TUSC3: variants seen among roughly 807,000 people sequenced by gnomAD.
TUSC3 encodes dolichyl-diphosphooligosaccharide--protein glycosyltransferase subunit TUSC3.
TUSC3 carries 45 observed loss-of-function variants against 44.8 expected under a neutral mutation model. The observed-to-expected ratio is 1.00, with a 90% CI of 0.79 to 1.29. The LOEUF (loss-of-function observed/expected upper bound fraction) is 1.29. Among genes scored for constraint, TUSC3 ranks in the 50% most tolerant of loss-of-function variants. The probability of loss-of-function intolerance (pLI) is 0.00; values close to 1 mark genes in which losing one functional copy is unlikely to be tolerated. For synonymous variants in TUSC3, 212 were observed against 152.9 expected (o/e 1.39, Z -2.85); for missense variants, 519 against 437.9 (o/e 1.19, Z -1.65).
intron 1 of TUSC3, among the ~76,000 whole-genome samples, chr8:15,450,252 GT>G (rs1800176392): frequency 1.3e-5 from 2 of 152,018 alleles, no homozygotes; most frequent in African/African-American, 4.8e-5. Context: ...GAAGAATCAG[GT>G]TTTACTTGTA....
At chr8:15,829,954 T>A in the TUSC3 span, among the ~76,000 whole-genome samples, 1 of 152,110 alleles carries the variant, frequency 6.6e-6, no homozygotes, top group African/African-American at 2.4e-5. Flanking sequence ...TCAACCAATA[T>A]CTATTTTTTT....
At chr8:15,485,535 C>G (rs1048456542) in intron 2 of TUSC3, among the ~76,000 whole-genome samples, 1 of 144,644 alleles carries the variant, frequency 6.9e-6, no homozygotes, top group Non-Finnish European at 1.5e-5. Context: ...CTTGCATTCT[C>G]TGCTCCTCCT....
the TUSC3 span, among the ~76,000 whole-genome samples, chr8:15,792,341 G>C: frequency 6.6e-6 from 1 of 152,150 alleles, no homozygotes; most frequent in Non-Finnish European, 1.5e-5. Flanking sequence ...GTAAGGCAAA[G>C]AATTAAATCA....
At chr8:15,794,302 T>A in the TUSC3 span, among the ~76,000 whole-genome samples, 1 of 152,078 alleles carries the variant, frequency 6.6e-6, no homozygotes, top group Non-Finnish European at 1.5e-5. Flanking sequence ...ACAGCCACTC[T>A]TATTTTCTCT....
chr8:15,465,052 G>A (rs1288775367), intron 1 of TUSC3, among the ~76,000 whole-genome samples: 1 of 152,118 alleles, frequency 6.6e-6, no homozygotes, highest in African/African-American at 2.4e-5. Flanking sequence ...GTTTCACTAT[G>A]TTGGCCAGGA....
At chr8:15,822,608 G>A in the TUSC3 span, among the ~76,000 whole-genome samples, 4 of 152,256 alleles carry the variant, frequency 2.6e-5, no homozygotes, top group African/African-American at 9.6e-5. Flanking sequence ...AGATATAGAA[G>A]AGAAGGCTTC....
At chr8:15,476,784 T>C (rs1377305720) in intron 1 of TUSC3, among the ~76,000 whole-genome samples, 3 of 152,216 alleles carry the variant, frequency 2.0e-5, no homozygotes, top group African/African-American at 7.2e-5. Context: ...AGGTTTCCTA[T>C]TGGCCACTTG....
intron 2 of TUSC3, among the ~76,000 whole-genome samples, chr8:15,508,244 C>G (rs1457040879): frequency 6.6e-6 from 1 of 151,866 alleles, no homozygotes; most frequent in Admixed American, 6.6e-5. Flanking sequence ...TGTCTAACAA[C>G]AATGACAACA....
At chr8:15,715,649 G>C (rs1436930528) in intron 6 of TUSC3, among the ~76,000 whole-genome samples, 1 of 151,528 alleles carries the variant, frequency 6.6e-6, no homozygotes, top group Non-Finnish European at 1.5e-5. Context: ...ACCACAGAAA[G>C]TAAAACCAAA....
chr8:15,842,330 A>G, the TUSC3 span, among the ~76,000 whole-genome samples: 1 of 152,294 alleles, frequency 6.6e-6, no homozygotes, highest in East Asian at 1.9e-4. Flanking sequence ...CATCATCTAT[A>G]AATCAGTCTT....
At chr8:15,501,180 G>A (rs967009079) in intron 2 of TUSC3, among the ~76,000 whole-genome samples, 1 of 152,070 alleles carries the variant, frequency 6.6e-6, no homozygotes, top group East Asian at 1.9e-4. Context: ...AGACTGCAAG[G>A]TTTCTCTAAC....
chr8:15,588,763 C>T (rs989046670), intron 1 of TUSC3, among the ~76,000 whole-genome samples: 1 of 152,124 alleles, frequency 6.6e-6, no homozygotes. Flanking sequence ...TCACTTTCTG[C>T]ATATGGATGG....
At position 15,556,008 on chromosome 8, in the gene TUSC3, A is replaced by AT. The variant is rs957934710; in HGVS notation, c.138+15450dup. Among the ~76,000 whole-genome samples, 109 of 148,478 alleles carry AT rather than the reference A, an allele frequency of 7.3e-4. 2 individuals are homozygous for AT. The highest frequency in any genetic ancestry group is 2.0e-3 in the East Asian group (10 of 4,994). Reference sequence around the variant, plus strand: ...TTTATTTTTTATTTTTTTATTTTTTATTTTTTTTTTATTATACTTTAAGTT... The same window carrying AT: ...TTTATTTTTTATTTTTTTATTTTTTATTTTTTTTTTTATTATACTTTAAGTT... On this transcript the variant is annotated intron_variant, in intron 1 of 10. Transcript: ENST00000503731.
At chr8:15,588,212 C>G (rs1585129478) in intron 1 of TUSC3, among the ~76,000 whole-genome samples, 1 of 152,168 alleles carries the variant, frequency 6.6e-6, no homozygotes, top group East Asian at 1.9e-4. Context: ...TTCTCCACAT[C>G]CTCATCAGTA....
upstream of TUSC3, chr8:15,540,156 C>A: frequency 4.9e-6 from 2 of 411,500 alleles, no homozygotes; most frequent in East Asian, 4.0e-5. Context: ...AAGCTCCGGG[C>A]GGGAGCGCAC....
At chr8:15,815,493 G>A in the TUSC3 span, among the ~76,000 whole-genome samples, 1 of 152,138 alleles carries the variant, frequency 6.6e-6, no homozygotes, top group Admixed American at 6.6e-5. Context: ...AACTTCTCCA[G>A]TGGGCCAGGA....
At chr8:15,595,944 T>A (rs17121691) in intron 1 of TUSC3, among the ~76,000 whole-genome samples, 2 of 152,162 alleles carry the variant, frequency 1.3e-5, no homozygotes, top group Non-Finnish European at 2.9e-5. Flanking sequence ...AATTGAATAG[T>A]AATGGTCCCA....
chr8:15,617,994 G>A (rs774995575), intron 1 of TUSC3, among the ~76,000 whole-genome samples: 2 of 152,234 alleles, frequency 1.3e-5, no homozygotes, highest in African/African-American at 4.8e-5. Flanking sequence ...GTAGGCAGTC[G>A]TAACACAATA....
chr8:15,685,910 C>CACATATTCAT (rs5889593), intron 6 of TUSC3, among the ~76,000 whole-genome samples: 3 of 151,492 alleles, frequency 2.0e-5, no homozygotes, highest in Non-Finnish European at 4.4e-5. Flanking sequence ...TGACTCTGCT[C>CACATATTCAT]ATATTAATTG....
Sources: allele counts gnomAD v4.1 joint callset (sites outside exome capture counted in the v4.1 genomes callset), GRCh38; gene constraint gnomAD v4.1.1; transcripts MANE v1.5; gene names NCBI Gene and HGNC (gene_info 2026-07-23, HGNC 2026-07-21).